Variants in C8orf89 observed in about 807,000 individuals in gnomAD.
C8orf89 encodes chromosome 8 open reading frame 89.
Under a neutral mutation model 15.8 loss-of-function variants are expected in C8orf89, and 14 were observed. The ratio of observed to expected loss-of-function variants is 0.89; its 90% confidence interval spans 0.59 to 1.39. The LOEUF is 1.39. Ranked by LOEUF, C8orf89 falls within the 40% of genes most tolerant of loss-of-function variation. C8orf89 has a pLI of 0.00. For synonymous variants in C8orf89, 55 were observed against 62.2 expected (o/e 0.88, Z 0.54); for missense variants, 181 against 184.5 (o/e 0.98, Z 0.11).
the C8orf89 span, among the ~76,000 whole-genome samples, chr8:73,285,781 T>C: frequency 1.1e-4 from 16 of 152,154 alleles, no homozygotes; most frequent in Admixed American, 6.5e-5. Context: ...TCCAGCCTTG[T>C]CGCAGGGCTG....
chr8:73,261,532 TC>T (rs1813530136), upstream of C8orf89, among the ~76,000 whole-genome samples: 1 of 151,876 alleles, frequency 6.6e-6, no homozygotes, highest in African/African-American at 2.4e-5. Context: ...AGGCGAGCCC[TC>T]CCCAAGAAGC....
the C8orf89 span, among the ~76,000 whole-genome samples, chr8:73,285,633 G>A: frequency 6.6e-6 from 1 of 152,366 alleles, no homozygotes; most frequent in Admixed American, 6.5e-5. Flanking sequence ...GCTGCACCGA[G>A]GGGAGGGATT....
Position 73,250,313 on chromosome 8 carries a change from T to C in C8orf89, c.292A>G (p.Thr98Ala), listed in dbSNP as rs766269318. 131 of 1,528,230 alleles carry C rather than the reference T, an allele frequency of 8.6e-5. No homozygotes were observed. Among genetic ancestry groups the C allele is most frequent in the Non-Finnish European group, 1.1e-4 (127 of 1,140,480 alleles). 94.7% of individuals were successfully genotyped at this position (1,528,230 alleles called of 1,614,324 possible). Residue 98 changes from threonine (T) to alanine (A), a missense_variant, in exon 3 of 4, where the codon ACT (threonine) becomes GCT (alanine). Physicochemically the swap from Thr to Ala is moderately conservative, Grantham distance 58. Coordinates refer to ENST00000624510, the MANE Select transcript of C8orf89 (RefSeq NM_001243237.3). ...AEVSAVRLKK[T>A]KETCSVAPLW... Reference sequence around the variant, plus strand: ...GGTGCCACACTGCATGTCTCCTTAGTCTTCTTTAGCCTGAATATTATATAT... The same window carrying C: ...GGTGCCACACTGCATGTCTCCTTAGCCTTCTTTAGCCTGAATATTATATAT...
chr8:73,245,615 G>A (rs531094986), intron 3 of C8orf89, among the ~76,000 whole-genome samples: 3 of 151,968 alleles, frequency 2.0e-5, no homozygotes, highest in Admixed American at 1.3e-4. Flanking sequence ...AAAGCCTCTG[G>A]TGACATTACT....
the C8orf89 span, among the ~76,000 whole-genome samples, chr8:73,278,506 CT>C: frequency 1.3e-5 from 2 of 152,150 alleles, no homozygotes; most frequent in South Asian, 4.1e-4. Flanking sequence ...GGGCAGGCCC[CT>C]GGAAGTAAAA....
chr8:73,276,804 C>CTTTTTTTT, the C8orf89 span, among the ~76,000 whole-genome samples: 1 of 71,354 alleles, frequency 1.4e-5, no homozygotes, highest in African/African-American at 4.7e-5. Context: ...GCACAGCAGT[C>CTTTTTTTT]ATTTTTTTTT....
the C8orf89 span, among the ~76,000 whole-genome samples, chr8:73,270,732 C>T: frequency 3.9e-5 from 6 of 151,932 alleles, no homozygotes; most frequent in Non-Finnish European, 5.9e-5. Flanking sequence ...ACAGGGAGAC[C>T]TGGTCTCTAA....
chr8:73,276,805 A>ATTTTTTTTTTTT, the C8orf89 span, among the ~76,000 whole-genome samples: 4 of 87,638 alleles, frequency 4.6e-5, no homozygotes, highest in Non-Finnish European at 4.2e-5. Context: ...CACAGCAGTC[A>ATTTTTTTTTTTT]TTTTTTTTTT....
At chr8:73,276,280 G>A in the C8orf89 span, among the ~76,000 whole-genome samples, 5 of 150,928 alleles carry the variant, frequency 3.3e-5, no homozygotes, top group Admixed American at 3.3e-4. Context: ...AGGTTCAAGC[G>A]ATTCTTCTGC....
chr8:73,264,070 A>C (rs1209149440), upstream of C8orf89, among the ~76,000 whole-genome samples: 3 of 152,146 alleles, frequency 2.0e-5, no homozygotes, highest in African/African-American at 7.2e-5. Context: ...TATTTTTTCC[A>C]CAAGATACAT....
Position 73,241,416 on chromosome 8 carries a change from T to C in C8orf89, c.*41A>G. 1 of 1,378,788 alleles carries C rather than the reference T, an allele frequency of 7.3e-7. No homozygotes were observed. The highest frequency in any genetic ancestry group is 2.6e-5 in the East Asian group (1 of 38,784). The allele number at this position is 1,378,788 out of a possible 1,614,324, so 85.4% of individuals were successfully genotyped here. On this transcript the variant is annotated 3_prime_UTR_variant, in exon 4 of 4. Coordinates refer to ENST00000624510, the MANE Select transcript of C8orf89 (RefSeq NM_001243237.3). ...CATATAAAAAAAGAAAATATAAAGC[T>C]TAAAAGTCACTGAAGAAAGCATCAC...
At chr8:73,275,679 A>G in the C8orf89 span, among the ~76,000 whole-genome samples, 282 of 152,004 alleles carry the variant, frequency 1.9e-3, no homozygotes, top group African/African-American at 6.5e-3. Context: ...ATTTTTGTAC[A>G]GGGTTTTGTT....
chr8:73,249,844 G>A (rs1781120915), intron 3 of C8orf89, among the ~76,000 whole-genome samples: 1 of 152,140 alleles, frequency 6.6e-6, no homozygotes, highest in African/African-American at 2.4e-5. Context: ...AGCTAGAAAG[G>A]AAAGCTGAGG....
At position 73,257,187 on chromosome 8, in the gene C8orf89, C is replaced by T; in HGVS notation, c.128-61G>A. Reference sequence around the variant, plus strand: ...TGCATACTACTTGTTTTACTGCATCCTAAAACACATAATAAAATACACAAA... The same window carrying T: ...TGCATACTACTTGTTTTACTGCATCTTAAAACACATAATAAAATACACAAA... On this transcript the variant is annotated intron_variant, in intron 1 of 3. Transcript: ENST00000624510. 3.9e-6 allele frequency: 4 copies of T among 1,017,134 alleles called. No individual in the cohort carries two copies. In the South Asian group the frequency reaches 7.4e-5, roughly 19 times the overall value. The allele number at this position is 1,017,134 out of a possible 1,614,324, so 63.0% of individuals were successfully genotyped here. A position where few individuals can be genotyped will look rare whatever the true frequency, so the allele number is the denominator to read the frequency against.
Position 73,254,497 on chromosome 8 carries a change from G to T in C8orf89, c.281+2476C>A, listed in dbSNP as rs115043182. 3.5e-3 allele frequency among the ~76,000 whole-genome samples: 533 copies of T among 152,256 alleles called. 3 individuals carry two copies. Among genetic ancestry groups the T allele is most frequent in the African/African-American group, 0.012 (513 of 41,538 alleles). ...TGTAAAAAAGGCATTCAGGGAATGA[G>T]GCCTCCTCTATTCCCAGGAGGTCAC... On this transcript the variant is annotated intron_variant, in intron 2 of 3. Transcript: ENST00000624510.
the C8orf89 span, among the ~76,000 whole-genome samples, chr8:73,279,549 G>A: frequency 3.3e-5 from 5 of 152,168 alleles, no homozygotes; most frequent in Non-Finnish European, 7.3e-5. Flanking sequence ...TATCTTCTTA[G>A]GGTCAAAGGG....
chr8:73,277,620 A>G, the C8orf89 span: 14 of 761,470 alleles, frequency 1.8e-5, no homozygotes, highest in Non-Finnish European at 2.5e-5. Flanking sequence ...GCCTTTGTGG[A>G]CCATAGAACT....
intron 3 of C8orf89, among the ~76,000 whole-genome samples, chr8:73,244,027 C>G (rs936014984): frequency 2.0e-5 from 3 of 151,830 alleles, no homozygotes; most frequent in Non-Finnish European, 4.4e-5. Context: ...AGATTTATTT[C>G]AAAGTAAAAG....
the C8orf89 span, among the ~76,000 whole-genome samples, chr8:73,285,729 G>A: frequency 1.3e-5 from 2 of 152,200 alleles, no homozygotes; most frequent in South Asian, 4.1e-4. Context: ...GGCAGTGTGG[G>A]AGCCAGCGGC....
Sources: gnomAD v4.1 joint callset for allele counts (sites outside exome capture counted in the v4.1 genomes callset) on GRCh38, gnomAD v4.1.1 for gene constraint, MANE v1.5 for transcripts, NCBI Gene and HGNC (gene_info 2026-07-23, HGNC 2026-07-21) for gene names.